The following MMD2 variants were observed in gnomAD, a reference collection of about 807,000 sequenced individuals.
MMD2 encodes the protein monocyte to macrophage differentiation factor 2.
Under a neutral mutation model 33.5 loss-of-function variants are expected in MMD2, and 30 were observed. The observed-to-expected ratio is 0.90, with a 90% CI of 0.67 to 1.22. The LOEUF (loss-of-function observed/expected upper bound fraction) is 1.22. Among genes scored for constraint, MMD2 ranks in the 50% most tolerant of loss-of-function variants. The pLI, the probability that MMD2 is intolerant of heterozygous loss-of-function variation, is 0.00. For synonymous variants in MMD2, 129 were observed against 123.0 expected (o/e 1.05, Z -0.32); for missense variants, 364 against 325.4 (o/e 1.12, Z -0.91).
At chr7:4,948,839 T>C (rs1016533405) in intron 1 of MMD2, among the ~76,000 whole-genome samples, 3 of 152,184 alleles carry the variant, frequency 2.0e-5, no homozygotes, top group African/African-American at 7.2e-5. Context: ...TTCTATGGTT[T>C]ATAAGCCACC....
At chr7:4,902,075 T>C (rs300533), downstream of MMD2, among the ~76,000 whole-genome samples, 55,391 of 151,976 alleles carry the variant, frequency 0.36, 10,276 homozygotes, top group South Asian at 0.46. Context: ...CTCAGTCTCC[T>C]GAATAGCTGG....
At chr7:4,899,009 G>A in the MMD2 span, among the ~76,000 whole-genome samples, 1 of 152,036 alleles carries the variant, frequency 6.6e-6, no homozygotes, top group Admixed American at 6.6e-5. Flanking sequence ...AAGGAAGGAA[G>A]GGAGGGTTTG....
downstream of MMD2, among the ~76,000 whole-genome samples, chr7:4,902,364 G>A (rs1784805861): frequency 6.6e-6 from 1 of 152,236 alleles, no homozygotes; most frequent in African/African-American, 2.4e-5. Flanking sequence ...CAGGAGGCTT[G>A]GGTATTAGAT....
At chr7:4,923,646 G>A (rs549505183) in intron 2 of MMD2, among the ~76,000 whole-genome samples, 18 of 152,110 alleles carry the variant, frequency 1.2e-4, no homozygotes, top group Non-Finnish European at 2.1e-4. Flanking sequence ...GACTTGTGTC[G>A]ATGAGTTAGC....
At chr7:4,928,211 G>C (rs1448477773) in intron 1 of MMD2, among the ~76,000 whole-genome samples, 1 of 152,194 alleles carries the variant, frequency 6.6e-6, no homozygotes, top group Non-Finnish European at 1.5e-5. Context: ...TTACTTTGTA[G>C]ACTGCCCCCC....
chr7:4,950,909 C>T (rs1786225059), intron 1 of MMD2, among the ~76,000 whole-genome samples: 1 of 152,038 alleles, frequency 6.6e-6, no homozygotes, highest in African/African-American at 2.4e-5. Context: ...GACAGGGTTT[C>T]ACCATCTTGG....
At chr7:4,918,573 T>G (rs1350408433) in intron 3 of MMD2, among the ~76,000 whole-genome samples, 1 of 147,806 alleles carries the variant, frequency 6.8e-6, no homozygotes, top group Non-Finnish European at 1.5e-5. Flanking sequence ...AACCTCCGCC[T>G]ACCAGGTTCA....
chr7:4,927,662 G>C (rs1276365461), intron 1 of MMD2, among the ~76,000 whole-genome samples: 1 of 152,138 alleles, frequency 6.6e-6, no homozygotes. Flanking sequence ...AGCCGAGATT[G>C]TGCCACTGCA....
chr7:4,938,973 T>G (rs997863805), intron 1 of MMD2, among the ~76,000 whole-genome samples: 10 of 150,050 alleles, frequency 6.7e-5, no homozygotes, highest in African/African-American at 2.5e-4. Flanking sequence ...TTTGGGAGGT[T>G]GGGGCGGGTG....
At chr7:4,938,209 C>T (rs541037661) in intron 1 of MMD2, among the ~76,000 whole-genome samples, 7 of 151,338 alleles carry the variant, frequency 4.6e-5, no homozygotes, top group African/African-American at 1.5e-4. Context: ...CGGGGTTTTG[C>T]CATGTTAGTC....
intron 1 of MMD2, among the ~76,000 whole-genome samples, chr7:4,928,023 T>A (rs1437474792): frequency 6.6e-6 from 1 of 152,138 alleles, no homozygotes; most frequent in Non-Finnish European, 1.5e-5. Context: ...ATCCAAGAAC[T>A]GGGTCTAAGG....
At chr7:4,909,586 G>A in intron 6 of MMD2, 2 of 619,798 alleles carry the variant, frequency 3.2e-6, no homozygotes, top group East Asian at 2.8e-5. Flanking sequence ...GAGACTATAG[G>A]TGTGCACCAC....
At chr7:4,934,967 C>A (rs990773433) in intron 1 of MMD2, among the ~76,000 whole-genome samples, 5 of 152,152 alleles carry the variant, frequency 3.3e-5, no homozygotes, top group African/African-American at 1.2e-4. Context: ...GGGCGGATAA[C>A]CTGAGATCAG....
intron 3 of MMD2, among the ~76,000 whole-genome samples, chr7:4,916,803 G>A (rs954201583): frequency 6.6e-6 from 1 of 152,098 alleles, no homozygotes; most frequent in African/African-American, 2.4e-5. Context: ...AGATGGAGTG[G>A]CTCACACCTG....
intron 1 of MMD2, among the ~76,000 whole-genome samples, chr7:4,945,187 T>C (rs867801184): frequency 2.5e-5 from 3 of 119,044 alleles, no homozygotes; most frequent in East Asian, 2.4e-4. Flanking sequence ...TCTTCCTCTT[T>C]CTTCTTCTTC....
chr7:4,927,701 A>C (rs1453815430), intron 1 of MMD2, among the ~76,000 whole-genome samples: 2 of 152,174 alleles, frequency 1.3e-5, no homozygotes, highest in Non-Finnish European at 2.9e-5. Context: ...AGAGAGACTC[A>C]TTCTCAAAAA....
At chr7:4,942,782 T>C (rs887610166) in intron 1 of MMD2, among the ~76,000 whole-genome samples, 5 of 151,070 alleles carry the variant, frequency 3.3e-5, no homozygotes, top group Non-Finnish European at 5.9e-5. Flanking sequence ...CACCCGGCTT[T>C]TTTGTTTGTT....
At chr7:4,925,040 CCT>C (rs779396615) in intron 2 of MMD2, among the ~76,000 whole-genome samples, 56 of 152,256 alleles carry the variant, frequency 3.7e-4, no homozygotes, top group Middle Eastern at 3.4e-3. Flanking sequence ...AAGAGATTCC[CCT>C]GTCTCAGCCT....
rs577031025 is a variant in MMD2, at chr7:4,935,712, T to C, written c.48-10180A>G. Among the ~76,000 whole-genome samples, 28 of 148,316 alleles carry C rather than the reference T, an allele frequency of 1.9e-4. No homozygotes were observed. In the South Asian group the frequency reaches 5.8e-3, roughly 31 times the overall value. ...AAAAAAAAAAACCAAAAAAATTGTA[T>C]ACGTTGATGGTGCTAGACCATGATG... On this transcript the variant is annotated intron_variant, in intron 1 of 6. Transcript: ENST00000401401.
Sources: gnomAD v4.1 joint callset for allele counts (sites outside exome capture counted in the v4.1 genomes callset) on GRCh38, gnomAD v4.1.1 for gene constraint, MANE v1.5 for transcripts, NCBI Gene and HGNC (gene_info 2026-07-23, HGNC 2026-07-21) for gene names.